WDR59: variants seen among roughly 807,000 people sequenced by gnomAD.
WDR59 encodes WD repeat domain 59.
In WDR59, 100 loss-of-function variants were observed where a neutral mutation model predicts 131.2. The observed-to-expected ratio is 0.76, with a 90% CI of 0.65 to 0.90. WDR59 has a LOEUF of 0.90. Among genes scored for constraint, WDR59 ranks in the 40% least tolerant of loss-of-function variants. The probability of loss-of-function intolerance (pLI) is 0.00; values close to 1 mark genes in which losing one functional copy is unlikely to be tolerated. For synonymous variants in WDR59, 601 were observed against 466.2 expected (o/e 1.29, Z -3.72); for missense variants, 1,203 against 1,262.2 (o/e 0.95, Z 0.71).
chr16:74,875,846 C>T (rs1410396801), intron 25 of WDR59, among the ~76,000 whole-genome samples: 1 of 152,172 alleles, frequency 6.6e-6, no homozygotes, highest in Non-Finnish European at 1.5e-5. Context: ...GAGAAAGGCC[C>T]ATGTTCAAGA....
intron 25 of WDR59, 132 bp downstream of exon 25, chr16:74,885,521 G>A: frequency 7.8e-6 from 7 of 892,448 alleles, no homozygotes; most frequent in South Asian, 2.4e-5. Flanking sequence ...GCTTGGAATA[G>A]ACTCAAAATG....
rs1965977641 is a variant in WDR59, at chr16:74,909,499, A to G, written c.1642+2T>C. ...TAGAATCAAAGAACCAAAGAGACCC[A>G]CCTGCTCCGCAGAACCTGGCCCCAG... On this transcript the variant is annotated splice_donor_variant, in intron 16 of 25. Transcript: ENST00000262144. LOFTEE classifies it high-confidence loss of function. 1.3e-6 allele frequency: 2 copies of G among 1,561,862 alleles called. No individual in the cohort carries two copies. Among genetic ancestry groups the G allele is most frequent in the African/African-American group, 2.8e-5 (2 of 72,522 alleles).
At chr16:74,913,011 A>G (rs527852984) in intron 13 of WDR59, among the ~76,000 whole-genome samples, 1 of 149,426 alleles carries the variant, frequency 6.7e-6, no homozygotes, top group South Asian at 2.1e-4. Context: ...CATCATGAAC[A>G]TGTCACAGTG....
At chr16:74,902,874 A>T (rs1331361356) in intron 18 of WDR59, among the ~76,000 whole-genome samples, 1 of 152,144 alleles carries the variant, frequency 6.6e-6, no homozygotes, top group African/African-American at 2.4e-5. Flanking sequence ...AGTGGGCAGA[A>T]TTCCATCAGA....
At chr16:74,967,068 A>G (rs2033802774) in intron 1 of WDR59, among the ~76,000 whole-genome samples, 1 of 152,216 alleles carries the variant, frequency 6.6e-6, no homozygotes, top group African/African-American at 2.4e-5. Flanking sequence ...TCCATTTTAT[A>G]CATTCTGCGA....
chr16:74,983,020 G>A (rs766975110), intron 1 of WDR59, among the ~76,000 whole-genome samples: 13 of 152,200 alleles, frequency 8.5e-5, no homozygotes, highest in Non-Finnish European at 1.0e-4. Flanking sequence ...GTGGCACACA[G>A]AAGGTATTTG....
At chr16:74,877,499 G>C (rs1445751532) in intron 25 of WDR59, among the ~76,000 whole-genome samples, 2 of 152,036 alleles carry the variant, frequency 1.3e-5, no homozygotes, top group Non-Finnish European at 2.9e-5. Context: ...GAAAAGTCTA[G>C]GGTTCTTAAT....
chr16:74,902,610 G>A (rs763165965), intron 18 of WDR59, among the ~76,000 whole-genome samples: 4 of 151,880 alleles, frequency 2.6e-5, no homozygotes, highest in Non-Finnish European at 5.9e-5. Context: ...GACACAAATC[G>A]GAGAGGAATT....
Position 74,878,275 on chromosome 16 carries a change from A to C in WDR59, c.2690-3831T>G, listed in dbSNP as rs192078288. Among the ~76,000 whole-genome samples, 3 of 152,390 alleles carry C rather than the reference A, an allele frequency of 2.0e-5. No homozygotes were observed. The East Asian group carries it at 5.8e-4, about 29-fold the overall frequency. ...TTTTCAGCAACTTCTTTCAAGATCAATTGAAGGATACTCATATCTATTACA... is the reference window on the plus strand; with the variant it reads ...TTTTCAGCAACTTCTTTCAAGATCACTTGAAGGATACTCATATCTATTACA... On this transcript the variant is annotated intron_variant, in intron 25 of 25. Coordinates refer to ENST00000262144, the MANE Select transcript of WDR59 (RefSeq NM_030581.4).
intron 8 of WDR59, among the ~76,000 whole-genome samples, chr16:74,932,583 G>A (rs907444222): frequency 2.6e-5 from 4 of 151,922 alleles, no homozygotes; most frequent in Non-Finnish European, 5.9e-5. Flanking sequence ...CAACCTCCTC[G>A]GCTCCAACAA....
rs556385640 is a variant in WDR59 at position 74,896,438 on chromosome 16, G to A, written c.1867-2626C>T. Among the ~76,000 whole-genome samples, 9 of 152,182 alleles carry A rather than the reference G, an allele frequency of 5.9e-5. No homozygotes were observed. In the South Asian group the frequency reaches 6.2e-4, roughly 11 times the overall value. On this transcript the variant is annotated intron_variant, in intron 18 of 25. Coordinates refer to ENST00000262144, the MANE Select transcript of WDR59 (RefSeq NM_030581.4). ...GAGGCCAGGAGTTCGAGACCAGCCCGGCCCTGGCCCACATGGTGAAACCCT... is the reference window on the plus strand; with the variant it reads ...GAGGCCAGGAGTTCGAGACCAGCCCAGCCCTGGCCCACATGGTGAAACCCT...
In WDR59 at chr16:74,885,674, G is replaced by T; in HGVS notation, c.2668C>A (p.Pro890Thr). Reference sequence around the variant, plus strand: ...TCACCGATCCCTTTGTGAGGGTCAGGAGGACAGGAGACAAACTTCAACACT... The same window carrying T: ...TCACCGATCCCTTTGTGAGGGTCAGTAGGACAGGAGACAAACTTCAACACT... The part of the protein sequence containing the change: ...AEVLKFVSCP[P>T]DPHKGIEFGV... Residue 890 changes from proline to threonine, a missense_variant, in exon 25 of 26, where the codon CCT becomes ACT. Physicochemically the swap from Pro to Thr is conservative, Grantham distance 38. Coordinates refer to ENST00000262144, the MANE Select transcript of WDR59 (RefSeq NM_030581.4). The T allele has an allele frequency of 6.2e-7, 1 of 1,614,016 alleles. No individual in the cohort carries two copies. The highest frequency in any genetic ancestry group is 8.5e-7 in the Non-Finnish European group (1 of 1,179,992).
At chr16:74,936,995 C>G (rs1044506476) in intron 8 of WDR59, among the ~76,000 whole-genome samples, 2 of 152,030 alleles carry the variant, frequency 1.3e-5, no homozygotes, top group African/African-American at 4.8e-5. Flanking sequence ...CTAATCATAC[C>G]ACAAAGATGT....
At chr16:74,962,093 T>C (rs1209701265) in intron 2 of WDR59, among the ~76,000 whole-genome samples, 1 of 152,190 alleles carries the variant, frequency 6.6e-6, no homozygotes, top group African/African-American at 2.4e-5. Context: ...AAAGATCAGA[T>C]GGTTGTAGAT....
At chr16:74,882,277 T>C (rs1322657968) in intron 25 of WDR59, among the ~76,000 whole-genome samples, 1 of 152,248 alleles carries the variant, frequency 6.6e-6, no homozygotes, top group Non-Finnish European at 1.5e-5. Flanking sequence ...ATTAATCTTT[T>C]CCTGAGATAC....
chr16:74,874,508 T>G (rs1284981542), intron 25 of WDR59, 64 bp from the exon 26 acceptor site: 3 of 1,444,124 alleles, frequency 2.1e-6, no homozygotes, highest in African/African-American at 2.8e-5. Flanking sequence ...AAAAGGAAAC[T>G]GGGGCTTGCC....
At position 74,937,257 on chromosome 16, in the gene WDR59, T is replaced by C. The variant is rs546675674; in HGVS notation, c.651+893A>G. On this transcript the variant is annotated intron_variant, in intron 8 of 25. Transcript: ENST00000262144. ...GAAATAATCGGGTTACTGAAACACA[T>C]AAAATCTTGAGCATTTCCTGTAAGT... is the stretch of plus-strand genomic sequence containing the variant. 3.9e-5 allele frequency among the ~76,000 whole-genome samples: 6 copies of C among 152,254 alleles called. No homozygotes were observed. The Middle Eastern group carries it at 0.02, about 518-fold the overall frequency.
At chr16:74,967,143 T>C in intron 1 of WDR59, among the ~76,000 whole-genome samples, 1 of 152,198 alleles carries the variant, frequency 6.6e-6, no homozygotes, top group Non-Finnish European at 1.5e-5. Flanking sequence ...ATTTAGTGGA[T>C]TTCTCAAGTC....
rs3636 is a variant in WDR59 at position 74,903,825 on chromosome 16, C to A, written c.1866+122G>T. 7.2e-3 allele frequency: 8,947 copies of A among 1,242,364 alleles called. 325 individuals carry two copies. In the African/African-American group the frequency reaches 0.076, roughly 11 times the overall value. The allele number at this position is 1,242,364 out of a possible 1,614,324, so 77.0% of individuals were successfully genotyped here. ...CAAAGTAATGACTTTCTTGAACAAACTGATTACGAAAGTGAAAGGCTACAG... is the reference window on the plus strand; with the variant it reads ...CAAAGTAATGACTTTCTTGAACAAAATGATTACGAAAGTGAAAGGCTACAG... On this transcript the variant is annotated intron_variant, in intron 18 of 25. Transcript: ENST00000262144.
Sources: gnomAD v4.1 joint callset for allele counts (sites outside exome capture counted in the v4.1 genomes callset) on GRCh38, gnomAD v4.1.1 for gene constraint, MANE v1.5 for transcripts, NCBI Gene and HGNC (gene_info 2026-07-23, HGNC 2026-07-21) for gene names.